Variants in ABCC9 observed in about 807,000 individuals in gnomAD.
ABCC9 encodes ATP binding cassette subfamily C member 9.
A neutral mutation model predicts 188.3 loss-of-function variants in ABCC9; 95 were observed. The observed-to-expected ratio is 0.50, with a 90% CI of 0.43 to 0.60. ABCC9 has a LOEUF of 0.60. Ranked by LOEUF, ABCC9 falls within the 20% of genes least tolerant of loss-of-function variation. The pLI, the probability that ABCC9 is intolerant of heterozygous loss-of-function variation, is 0.00. For synonymous variants in ABCC9, 659 were observed against 652.7 expected (o/e 1.01, Z -0.15); for missense variants, 1,102 against 1,876.3 (o/e 0.59, Z 7.62).
chr12:21,843,297 A>G (rs1400215291), intron 28 of ABCC9, among the ~76,000 whole-genome samples: 5 of 152,120 alleles, frequency 3.3e-5, no homozygotes, highest in Non-Finnish European at 7.4e-5. Flanking sequence ...TCCTTTCCTT[A>G]TTAAGATGCC....
rs71053348 is a variant in ABCC9 at position 21,818,526 on chromosome 12, ATGTG to A, written c.3670-279_3670-276del. 0.18 allele frequency among the ~76,000 whole-genome samples: 24,666 copies of A among 136,232 alleles called. 2,196 individuals are homozygous for A. The highest frequency in any genetic ancestry group is 0.2 in the Non-Finnish European group (13,160 of 64,284). 89.4% of individuals were successfully genotyped at this position (136,232 alleles called of 152,430 possible). A position where few individuals can be genotyped will look rare whatever the true frequency, so the allele number is the denominator to read the frequency against. On this transcript the variant is annotated intron_variant, in intron 31 of 39. Coordinates refer to ENST00000261200, the MANE Select transcript of ABCC9 (RefSeq NM_020297.4). ...TATATAACTATATAGATATATATATATGTGTGTGTGTGTGTGTGTGTGTGTGTGT... is the reference window on the plus strand; with the variant it reads ...TATATAACTATATAGATATATATATATGTGTGTGTGTGTGTGTGTGTGTGT...
At chr12:21,805,646 A>G (rs1039024165) in intron 39 of ABCC9, among the ~76,000 whole-genome samples, 1 of 152,140 alleles carries the variant, frequency 6.6e-6, no homozygotes, top group African/African-American at 2.4e-5. Flanking sequence ...AAATTTAGGA[A>G]TTTTCTTCCT....
chr12:21,859,449 T>C, intron 22 of ABCC9, 137 bp downstream of exon 22: 1 of 854,768 alleles, frequency 1.2e-6, no homozygotes, highest in Non-Finnish European at 2.0e-6. Flanking sequence ...ACTTCAAGGA[T>C]TTATTTCCCC....
intron 17 of ABCC9, 135 bp from the exon 18 acceptor site, chr12:21,872,865 A>G (rs1381640696): frequency 7.2e-6 from 5 of 697,168 alleles, no homozygotes; most frequent in South Asian, 3.2e-5. Flanking sequence ...GGTATTCTAA[A>G]CAGCTCCTTT....
intron 2 of ABCC9, among the ~76,000 whole-genome samples, chr12:21,937,845 C>T (rs1038622721): frequency 3.9e-5 from 6 of 152,038 alleles, no homozygotes; most frequent in African/African-American, 1.2e-4. Context: ...TTCTTTCCAC[C>T]GTATTACACA....
In ABCC9 at chr12:21,836,324, TG is replaced by T. The variant is rs566440743; in HGVS notation, c.3566+1753del. 5.9e-5 allele frequency among the ~76,000 whole-genome samples: 9 copies of T among 152,338 alleles called. No homozygotes were observed. The East Asian group carries it at 1.7e-3, about 29-fold the overall frequency. ...TTTAAAGATACTTATCAATGCCCTT[TG>T]TGCACTGGCCTCTACTATGGTTTCA... On this transcript the variant is annotated intron_variant, in intron 30 of 39. Transcript: ENST00000261200.
intron 24 of ABCC9, among the ~76,000 whole-genome samples, chr12:21,848,720 G>A (rs529735233): frequency 6.6e-6 from 1 of 152,088 alleles, no homozygotes; most frequent in Non-Finnish European, 1.5e-5. Context: ...AGTTTCTTTA[G>A]CATCTCACTA....
At chr12:21,865,025 T>C (rs1945711671) in intron 18 of ABCC9, among the ~76,000 whole-genome samples, 1 of 152,118 alleles carries the variant, frequency 6.6e-6, no homozygotes. Flanking sequence ...GAATCAATTA[T>C]TGATATGATT....
At chr12:21,908,276 C>T in intron 10 of ABCC9, 65 bp from the exon 11 acceptor site, 1 of 1,568,428 alleles carries the variant, frequency 6.4e-7, no homozygotes, top group East Asian at 2.3e-5. Flanking sequence ...CATGAAAGGA[C>T]ATAATTTTTA....
Position 21,915,927 on chromosome 12 carries a change from TC to T in ABCC9, c.574-18del. 1 of 1,606,392 alleles carries T rather than the reference TC, an allele frequency of 6.2e-7. No homozygotes were observed. The highest frequency in any genetic ancestry group is 8.5e-7 in the Non-Finnish European group (1 of 1,173,892). ...TACATATCTCTGTGGCAAGAAAAAT[TC>T]CACAGTATAACAATTAGTCCAATTA... is the stretch of plus-strand genomic sequence containing the variant. On this transcript the variant is annotated intron_variant, in intron 6 of 39. Coordinates refer to ENST00000261200, the MANE Select transcript of ABCC9 (RefSeq NM_020297.4).
chr12:21,801,414 T>C (rs574396523), intron 39 of ABCC9, among the ~76,000 whole-genome samples: 1 of 152,290 alleles, frequency 6.6e-6, no homozygotes, highest in South Asian at 2.1e-4. Context: ...CTAACTTGAG[T>C]GTAGCTAATA....
intron 30 of ABCC9, among the ~76,000 whole-genome samples, chr12:21,830,163 T>G (rs1943675801): frequency 6.6e-6 from 1 of 152,202 alleles, no homozygotes. Context: ...TAAATAAAAC[T>G]GTTAGTAAAA....
intron 29 of ABCC9, 58 bp from the exon 30 acceptor site, chr12:21,838,228 T>C: frequency 8.4e-7 from 1 of 1,195,220 alleles, no homozygotes. Context: ...AAGACTACCA[T>C]GTTTATTCTT....
chr12:21,928,344 GAA>G (rs200851499), intron 4 of ABCC9, among the ~76,000 whole-genome samples: 2,873 of 140,218 alleles, frequency 0.02, 97 homozygotes, highest in African/African-American at 0.073. Context: ...AGGAAGGGAA[GAA>G]AAAGAGAAAG....
In ABCC9 at chr12:21,848,666, A is replaced by T. The variant is rs567391332; in HGVS notation, c.2770-420T>A. ...GAGCACATGGTTCCAAGTTGGTTAA[A>T]CTGATGTCAGTCATCCACTATTATG... On this transcript the variant is annotated intron_variant, in intron 24 of 39. Transcript: ENST00000261200. Among the ~76,000 whole-genome samples the T allele has an allele frequency of 3.3e-5, 5 of 152,288 alleles. No individual in the cohort carries two copies. In the South Asian group the frequency reaches 1.0e-3, roughly 32 times the overall value.
chr12:21,904,837 T>A (rs1182093907), intron 12 of ABCC9, among the ~76,000 whole-genome samples: 2 of 152,236 alleles, frequency 1.3e-5, no homozygotes, highest in East Asian at 3.9e-4. Context: ...CGTGGGACTA[T>A]AAACTGGTTC....
Position 21,863,070 on chromosome 12 carries a change from G to C in ABCC9, c.2238-16C>G, listed in dbSNP as rs201144903. On this transcript the variant is annotated splice_polypyrimidine_tract_variant and intron_variant, in intron 19 of 39. Coordinates refer to ENST00000261200, the MANE Select transcript of ABCC9 (RefSeq NM_020297.4). ...CCTGTTCCTACTGAAAAATGAAAAA[G>C]AAAAAAAAAAACACCAGGATTATGC... The C allele has an allele frequency of 3.8e-6, 5 of 1,299,970 alleles. No individual in the cohort carries two copies. The highest frequency in any genetic ancestry group is 4.3e-6 in the Non-Finnish European group (4 of 934,258). The allele number at this position is 1,299,970 out of a possible 1,614,324, so 80.5% of individuals were successfully genotyped here.
rs1269987186 is a variant in ABCC9 at position 21,838,167 on chromosome 12, G to A, written c.3477C>T (p.Asp1159=). 1.9e-6 allele frequency: 3 copies of A among 1,612,082 alleles called. No individual in the cohort carries two copies. Among genetic ancestry groups the A allele is most frequent in the African/African-American group, 1.3e-5 (1 of 74,852 alleles). ...GGGTACTATCGTCAAGTTCCTGGAG[G>A]TCCCTAGTAGAGAGAGGGGCAAAAA... ...IQKYFRVASK[D]LQELDDSTQL... Residue 1159 remains aspartate (D), a synonymous_variant, in exon 30 of 40, where the codon GAC becomes GAT. Transcript: ENST00000261200.
At chr12:21,808,031 G>A (rs1011000520) in intron 37 of ABCC9, among the ~76,000 whole-genome samples, 1 of 151,768 alleles carries the variant, frequency 6.6e-6, no homozygotes, top group Non-Finnish European at 1.5e-5. Flanking sequence ...AAATGAATAT[G>A]TCCTCATTAT....
Sources: gnomAD v4.1 joint callset for allele counts (sites outside exome capture counted in the v4.1 genomes callset) on GRCh38, gnomAD v4.1.1 for gene constraint, MANE v1.5 for transcripts, NCBI Gene and HGNC (gene_info 2026-07-23, HGNC 2026-07-21) for gene names.